Variants in CHODL observed in about 807,000 individuals in gnomAD.
The protein encoded by CHODL is chondrolectin.
CHODL carries 29 observed loss-of-function variants against 34.5 expected under a neutral mutation model. The ratio of observed to expected loss-of-function variants is 0.84; its 90% CI spans 0.63 to 1.15. The LOEUF (loss-of-function observed/expected upper bound fraction) is 1.15, where lower values mean the gene tolerates loss of function less well. CHODL is among the 50% of genes most tolerant of loss of function. CHODL has a pLI of 0.00. For synonymous variants in CHODL, 125 were observed against 116.1 expected (o/e 1.08, Z -0.49); for missense variants, 332 against 332.5 (o/e 1.00, Z 0.01).
At chr21:18,230,339 G>T (rs1327423741) in intron 2 of CHODL, among the ~76,000 whole-genome samples, 1 of 152,042 alleles carries the variant, frequency 6.6e-6, no homozygotes, top group Non-Finnish European at 1.5e-5. Context: ...TAGAAGAGAT[G>T]ATTTTCAATG....
At chr21:18,219,593 T>C (rs2073863208) in intron 2 of CHODL, among the ~76,000 whole-genome samples, 1 of 152,180 alleles carries the variant, frequency 6.6e-6, no homozygotes, top group Admixed American at 6.5e-5. Context: ...AACTCTGTTA[T>C]TTTTTGTCTT....
At chr21:18,004,409 G>A (rs1272744070) in intron 1 of CHODL, among the ~76,000 whole-genome samples, 1 of 152,164 alleles carries the variant, frequency 6.6e-6, no homozygotes, top group Non-Finnish European at 1.5e-5. Flanking sequence ...GATTAATAAA[G>A]AAAGCACGTA....
upstream of CHODL, among the ~76,000 whole-genome samples, chr21:18,240,012 T>C (rs1434056783): frequency 1.3e-5 from 2 of 151,982 alleles, no homozygotes; most frequent in East Asian, 1.9e-4. Context: ...GTGAAATAAA[T>C]TGTAAAGCTG....
chr21:17,925,201 C>CT (rs981279252), intron 1 of CHODL, among the ~76,000 whole-genome samples: 2 of 152,198 alleles, frequency 1.3e-5, no homozygotes, highest in African/African-American at 4.8e-5. Context: ...GATGCGACCT[C>CT]TAGTGGTCAC....
At chr21:18,202,917 G>A (rs1404683202) in intron 2 of CHODL, among the ~76,000 whole-genome samples, 1 of 148,702 alleles carries the variant, frequency 6.7e-6, no homozygotes, top group Non-Finnish European at 1.5e-5. Flanking sequence ...CCAGCTTATC[G>A]TTCAATGTCA....
chr21:18,078,769 A>G (rs2064897763), intron 2 of CHODL, among the ~76,000 whole-genome samples: 2 of 152,134 alleles, frequency 1.3e-5, no homozygotes, highest in African/African-American at 2.4e-5. Context: ...TTTTTTACAT[A>G]TTAGGGAGTT....
chr21:18,038,771 TAA>T (rs776334286), intron 2 of CHODL, among the ~76,000 whole-genome samples: 1 of 151,656 alleles, frequency 6.6e-6, no homozygotes, highest in African/African-American at 2.4e-5. Context: ...TCTGTATCAT[TAA>T]AAATCAAGTA....
chr21:18,145,245 G>A (rs1266092335), intron 2 of CHODL, among the ~76,000 whole-genome samples: 6 of 13,656 alleles, frequency 4.4e-4, no homozygotes, highest in Admixed American at 1.1e-3. Context: ...GACCATCCTG[G>A]CTAACAAGGT....
intron 1 of CHODL, among the ~76,000 whole-genome samples, chr21:17,995,000 G>T (rs2063835065): frequency 6.6e-6 from 1 of 152,092 alleles, no homozygotes; most frequent in Non-Finnish European, 1.5e-5. Context: ...GCACTGTACT[G>T]CCCATTCTCC....
chr21:18,135,139 T>G (rs940628447), intron 2 of CHODL, among the ~76,000 whole-genome samples: 1 of 152,248 alleles, frequency 6.6e-6, no homozygotes, highest in African/African-American at 2.4e-5. Context: ...CCTATTGAAG[T>G]GTAATGGTGC....
intron 2 of CHODL, among the ~76,000 whole-genome samples, chr21:18,140,495 T>C (rs528857962): frequency 1.3e-5 from 2 of 152,236 alleles, no homozygotes; most frequent in East Asian, 3.9e-4. Context: ...GAAAAACCCT[T>C]ATAGACCTAT....
intron 2 of CHODL, among the ~76,000 whole-genome samples, chr21:18,202,574 C>A (rs2073666755): frequency 6.6e-6 from 1 of 152,140 alleles, no homozygotes; most frequent in Non-Finnish European, 1.5e-5. Flanking sequence ...AATTAGTCTG[C>A]CCTTTTGTCG....
At chr21:18,218,276 G>T (rs1310837712) in intron 2 of CHODL, among the ~76,000 whole-genome samples, 2 of 152,224 alleles carry the variant, frequency 1.3e-5, no homozygotes. Flanking sequence ...CTAGGCAGAA[G>T]TTCCCAAACC....
At chr21:17,989,607 A>G (rs1039901169) in intron 1 of CHODL, among the ~76,000 whole-genome samples, 3 of 152,160 alleles carry the variant, frequency 2.0e-5, no homozygotes, top group African/African-American at 7.2e-5. Flanking sequence ...AAGTAACACC[A>G]TGTGTTTGTA....
intron 2 of CHODL, among the ~76,000 whole-genome samples, chr21:18,086,778 C>A (rs962562335): frequency 3.3e-5 from 5 of 152,178 alleles, no homozygotes; most frequent in African/African-American, 7.2e-5. Context: ...AGAGCAGCAA[C>A]CACTAACACA....
chr21:18,078,501 G>A (rs1045395132), intron 2 of CHODL, among the ~76,000 whole-genome samples: 1 of 152,080 alleles, frequency 6.6e-6, no homozygotes, highest in Non-Finnish European at 1.5e-5. Context: ...ATGTCAAATG[G>A]TTTAGAATAT....
intron 1 of CHODL, among the ~76,000 whole-genome samples, chr21:17,951,845 A>G (rs1034167008): frequency 6.6e-6 from 1 of 152,232 alleles, no homozygotes; most frequent in African/African-American, 2.4e-5. Flanking sequence ...GTGGGAAGTT[A>G]CAAGTAGTCT....
At chr21:18,101,221 G>A (rs991948153) in intron 2 of CHODL, among the ~76,000 whole-genome samples, 11 of 152,198 alleles carry the variant, frequency 7.2e-5, no homozygotes, top group South Asian at 4.1e-4. Flanking sequence ...GCTGTCTTCC[G>A]TGTAAGACGT....
At chr21:18,091,489 A>T (rs2065072907) in intron 2 of CHODL, among the ~76,000 whole-genome samples, 1 of 152,174 alleles carries the variant, frequency 6.6e-6, no homozygotes, top group South Asian at 2.1e-4. Flanking sequence ...AGCAAAGTGT[A>T]TGGAGGACTT....
Sources: allele counts gnomAD v4.1 joint callset (sites outside exome capture counted in the v4.1 genomes callset), GRCh38; gene constraint gnomAD v4.1.1; transcripts MANE v1.5; gene names NCBI Gene and HGNC (gene_info 2026-07-23, HGNC 2026-07-21).